Variants in SP140 observed in about 807,000 individuals in gnomAD.
SP140 encodes the protein nuclear body protein SP140.
In SP140, 81 loss-of-function variants were observed where a neutral mutation model predicts 125.0. That is an observed-to-expected ratio of 0.65 (90% CI 0.54 to 0.78). SP140 has a LOEUF of 0.78. Ranked by LOEUF, SP140 falls within the 30% of genes least tolerant of loss-of-function variation. SP140 has a pLI of 0.00. For synonymous variants in SP140, 312 were observed against 354.0 expected (o/e 0.88, Z 1.33); for missense variants, 858 against 1,037.0 (o/e 0.83, Z 2.37).
At chr2:230,306,387 A>T (rs1046909078) in intron 22 of SP140, among the ~76,000 whole-genome samples, 1 of 152,212 alleles carries the variant, frequency 6.6e-6, no homozygotes, top group Non-Finnish European at 1.5e-5. Flanking sequence ...AGACACAGAG[A>T]GGGGGCATGG....
chr2:230,199,303 G>T (rs1308199591), upstream of SP140, among the ~76,000 whole-genome samples: 1 of 147,572 alleles, frequency 6.8e-6, no homozygotes, highest in Non-Finnish European at 1.5e-5. Context: ...CTGCCTCCTG[G>T]GTTCAAGCGA....
intron 18 of SP140, chr2:230,288,173 G>T (rs1480985753): frequency 8.4e-6 from 4 of 476,200 alleles, no homozygotes; most frequent in East Asian, 3.4e-5. Context: ...CCAGATCCCA[G>T]GGGCCCAGGG....
chr2:230,223,252 G>A (rs1224191618), upstream of SP140, among the ~76,000 whole-genome samples: 1 of 152,078 alleles, frequency 6.6e-6, no homozygotes, highest in East Asian at 1.9e-4. Context: ...GGCCAGGATG[G>A]TCTTGATCTC....
chr2:230,255,392 T>C, intron 11 of SP140, 60 bp from the exon 12 acceptor site: 1 of 1,587,308 alleles, frequency 6.3e-7, no homozygotes, highest in Non-Finnish European at 8.6e-7. Flanking sequence ...AAGTTTTCTC[T>C]TCATGATTTT....
chr2:230,188,779 A>T, the SP140 span, among the ~76,000 whole-genome samples: 1 of 152,194 alleles, frequency 6.6e-6, no homozygotes, highest in South Asian at 2.1e-4. Context: ...GATGTACCAC[A>T]TTATTGACTT....
intron 21 of SP140, among the ~76,000 whole-genome samples, chr2:230,296,351 C>T (rs1188872626): frequency 6.6e-6 from 1 of 152,226 alleles, no homozygotes; most frequent in Non-Finnish European, 1.5e-5. Flanking sequence ...GGTCATCTCT[C>T]AGGTGCTTGT....
downstream of SP140, among the ~76,000 whole-genome samples, chr2:230,314,520 G>A (rs1312994499): frequency 1.3e-5 from 2 of 152,234 alleles, no homozygotes; most frequent in Non-Finnish European, 2.9e-5. Context: ...TAACTAGCCT[G>A]GCATGGGCCA....
upstream of SP140, chr2:230,200,902 G>A (rs2043118509): frequency 6.2e-7 from 1 of 1,612,762 alleles, no homozygotes; most frequent in Non-Finnish European, 8.5e-7. Context: ...GACCCTTCGT[G>A]GTGTACTAGG....
chr2:230,202,765 G>T, upstream of SP140: 3 of 1,611,328 alleles, frequency 1.9e-6, no homozygotes, highest in Middle Eastern at 1.7e-4. Flanking sequence ...GTTTAAATTG[G>T]GGTCTTCAGT....
At chr2:230,235,243 T>C (rs1464924192) in intron 1 of SP140, among the ~76,000 whole-genome samples, 3 of 152,166 alleles carry the variant, frequency 2.0e-5, no homozygotes, top group African/African-American at 7.2e-5. Context: ...CCACTGCATC[T>C]CTGGGAGGCT....
chr2:230,187,941 G>A, the SP140 span, among the ~76,000 whole-genome samples: 4 of 152,232 alleles, frequency 2.6e-5, no homozygotes, highest in South Asian at 4.1e-4. Context: ...CTCCAGATTT[G>A]TTCTTTTTGC....
chr2:230,295,768 C>A (rs1052947049), intron 21 of SP140, among the ~76,000 whole-genome samples: 4 of 152,152 alleles, frequency 2.6e-5, no homozygotes, highest in African/African-American at 9.7e-5. Context: ...TTTGGTGGCA[C>A]CTGAGATATT....
At chr2:230,267,558 A>C (rs1575113670) in intron 12 of SP140, among the ~76,000 whole-genome samples, 2 of 152,212 alleles carry the variant, frequency 1.3e-5, no homozygotes, top group East Asian at 1.9e-4. Context: ...GACATGACAA[A>C]ACCTCCCCAT....
At chr2:230,293,528 G>T (rs181706609) in intron 20 of SP140, among the ~76,000 whole-genome samples, 2 of 152,144 alleles carry the variant, frequency 1.3e-5, no homozygotes, top group East Asian at 3.9e-4. Flanking sequence ...GTAGAAATGG[G>T]GTTTTGTCAC....
At chr2:230,257,967 A>T (rs1301137063) in intron 12 of SP140, among the ~76,000 whole-genome samples, 1 of 151,906 alleles carries the variant, frequency 6.6e-6, no homozygotes, top group Non-Finnish European at 1.5e-5. Flanking sequence ...AAGCAGGGTC[A>T]CTGGAGTGTG....
At chr2:230,257,192 AC>A (rs2051361167) in intron 12 of SP140, among the ~76,000 whole-genome samples, 1 of 152,066 alleles carries the variant, frequency 6.6e-6, no homozygotes, top group Admixed American at 6.6e-5. Flanking sequence ...ATGGAAAGAG[AC>A]TTTTATCTAA....
chr2:230,192,789 A>C, the SP140 span, among the ~76,000 whole-genome samples: 1 of 152,222 alleles, frequency 6.6e-6, no homozygotes, highest in East Asian at 1.9e-4. Context: ...TTTTGTGGCT[A>C]TCATATGGTC....
chr2:230,267,570 G>A (rs1219894403), intron 12 of SP140, among the ~76,000 whole-genome samples: 1 of 152,144 alleles, frequency 6.6e-6, no homozygotes, highest in Non-Finnish European at 1.5e-5. Flanking sequence ...CCTCCCCATT[G>A]CAAGCCAGAG....
chr2:230,200,488 G>A (rs1645535958), upstream of SP140: 1 of 198,506 alleles, frequency 5.0e-6, no homozygotes, highest in Admixed American at 5.4e-5. Context: ...ATGGAGATTG[G>A]AATTCTAGGA....
Sources: gnomAD v4.1 joint callset for allele counts (sites outside exome capture counted in the v4.1 genomes callset) on GRCh38, gnomAD v4.1.1 for gene constraint, MANE v1.5 for transcripts, NCBI Gene and HGNC (gene_info 2026-07-23, HGNC 2026-07-21) for gene names.